The following FEZ1 variants were observed in gnomAD, a reference collection of about 807,000 sequenced individuals.
FEZ1 encodes fasciculation and elongation protein zeta-1.
FEZ1 carries 20 observed loss-of-function variants against 49.3 expected under a neutral mutation model. That is an observed-to-expected ratio of 0.41 (90% CI 0.29 to 0.59). The LOEUF is 0.59. Among genes scored for constraint, FEZ1 ranks in the 20% least tolerant of loss-of-function variants. The pLI, the probability that FEZ1 is intolerant of heterozygous loss-of-function variation, is 0.36. For missense variants in FEZ1, 413 were observed against 476.0 expected (o/e 0.87, Z 1.23); for synonymous variants, 170 against 180.9 (o/e 0.94, Z 0.48).
At chr11:125,467,942 CTG>C (rs1957147172) in intron 3 of FEZ1, among the ~76,000 whole-genome samples, 1 of 152,140 alleles carries the variant, frequency 6.6e-6, no homozygotes. Context: ...TAAAAGGAGA[CTG>C]TGTTTTACAT....
chr11:125,473,686 G>A (rs1957202453), intron 3 of FEZ1, among the ~76,000 whole-genome samples: 1 of 152,070 alleles, frequency 6.6e-6, no homozygotes, highest in Non-Finnish European at 1.5e-5. Flanking sequence ...GGGCATGGTT[G>A]CAGGCACCTG....
rs966344261 is a variant in FEZ1 at position 125,465,542 on chromosome 11, G to A, written c.412-1972C>T. On this transcript the variant is annotated intron_variant, in intron 3 of 9. Coordinates refer to ENST00000278919, the MANE Select transcript of FEZ1 (RefSeq NM_005103.5). ...GTCAGGCTTGGGAAAACAGAGATGG[G>A]AAAATCAATTATAAGCTTATGAAAG... Among the ~76,000 whole-genome samples the A allele has an allele frequency of 4.6e-5, 7 of 152,266 alleles. No individual in the cohort carries two copies. In the East Asian group the frequency reaches 1.4e-3, roughly 29 times the overall value.
At position 125,495,962 on chromosome 11, in the gene FEZ1, G is replaced by C. The variant is rs1957465810; in HGVS notation, c.-46+159C>G. 4.2e-6 allele frequency: 1 copy of C among 236,752 alleles called. No individual in the cohort carries two copies. The highest frequency in any genetic ancestry group is 8.3e-6 in the Non-Finnish European group (1 of 120,614). The allele number at this position is 236,752 out of a possible 1,614,324, so 14.7% of individuals were successfully genotyped here. ...CTGGGCAGGAAGGCGACGGCCTCCCGTTGTTCCTTTCTAATCCCAGAATGG... is the reference window on the plus strand; with the variant it reads ...CTGGGCAGGAAGGCGACGGCCTCCCCTTGTTCCTTTCTAATCCCAGAATGG... On this transcript the variant is annotated intron_variant, in intron 1 of 9. Transcript: ENST00000278919. The surrounding 1 kb of genome is among the most constrained non-coding windows in gnomAD (Gnocchi z 4.2).
chr11:125,479,649 A>G (rs2135775396), intron 3 of FEZ1, among the ~76,000 whole-genome samples: 1 of 152,336 alleles, frequency 6.6e-6, no homozygotes, highest in Non-Finnish European at 1.5e-5. Context: ...GATGCCCACA[A>G]GTATCTTTCT....
intron 3 of FEZ1, among the ~76,000 whole-genome samples, chr11:125,476,218 G>A (rs1013821255): frequency 2.0e-5 from 3 of 152,182 alleles, no homozygotes; most frequent in Admixed American, 1.3e-4. Flanking sequence ...ATATGCAGAT[G>A]TCAAAATTTA....
intron 3 of FEZ1, among the ~76,000 whole-genome samples, chr11:125,472,487 G>A (rs1435147194): frequency 6.6e-6 from 1 of 152,008 alleles, no homozygotes; most frequent in African/African-American, 2.4e-5. Context: ...ACAAATGAAT[G>A]TTCAATACAT....
chr11:125,456,550 A>G (rs920384477), intron 5 of FEZ1, among the ~76,000 whole-genome samples: 2 of 152,204 alleles, frequency 1.3e-5, no homozygotes, highest in Non-Finnish European at 2.9e-5. Flanking sequence ...GATATAGCAT[A>G]CGGCAACAAC....
At position 125,496,218 on chromosome 11, in the gene FEZ1, G is replaced by A. The variant is rs1957469732; in HGVS notation, c.-143C>T. On this transcript the variant is annotated 5_prime_UTR_variant, in exon 1 of 10. Transcript: ENST00000278919. Reference sequence around the variant, plus strand: ...CGGCCGGAGCGCAGCGCAGCGCAGCGGAGAGCCAGCCAGCCAGCCAGCCAG... The same window carrying A: ...CGGCCGGAGCGCAGCGCAGCGCAGCAGAGAGCCAGCCAGCCAGCCAGCCAG... 1 of 152,910 alleles carries A rather than the reference G, an allele frequency of 6.5e-6. No individual in the cohort carries two copies. Among genetic ancestry groups the A allele is most frequent in the South Asian group, 2.1e-4 (1 of 4,836 alleles). The allele number at this position is 152,910 out of a possible 1,614,324, so 9.5% of individuals were successfully genotyped here.
chr11:125,452,451 A>T, intron 7 of FEZ1, 42 bp from the exon 8 acceptor site: 1 of 1,318,164 alleles, frequency 7.6e-7, no homozygotes, highest in South Asian at 1.2e-5. Flanking sequence ...GACAGAAGAC[A>T]TGCTTCCTCT....
At chr11:125,473,467 C>T (rs1266466081) in intron 3 of FEZ1, among the ~76,000 whole-genome samples, 1 of 152,062 alleles carries the variant, frequency 6.6e-6, no homozygotes, top group East Asian at 1.9e-4. Flanking sequence ...GAAACAGCAA[C>T]CTGGGAATCA....
Position 125,484,689 on chromosome 11 carries a change from G to GA in FEZ1, c.312-3057dup, listed in dbSNP as rs1166273257. Reference sequence around the variant, plus strand: ...GTCTCAAAAAAAAAAAAGAAGAAAAGAAAAAAAAAAAGAAACTGGCTCTGC... The same window carrying GA: ...GTCTCAAAAAAAAAAAAGAAGAAAAGAAAAAAAAAAAAGAAACTGGCTCTGC... On this transcript the variant is annotated intron_variant, in intron 2 of 9. Coordinates refer to ENST00000278919, the MANE Select transcript of FEZ1 (RefSeq NM_005103.5). Among the ~76,000 whole-genome samples, 817 of 143,772 alleles carry GA rather than the reference G, an allele frequency of 5.7e-3. 2 individuals carry two copies. Among genetic ancestry groups the GA allele is most frequent in the African/African-American group, 0.019 (741 of 39,266 alleles). The allele number at this position is 143,772 out of a possible 152,430, so 94.3% of individuals were successfully genotyped here. A position where few individuals can be genotyped will look rare whatever the true frequency, so the allele number is the denominator to read the frequency against.
In FEZ1 at chr11:125,444,259, C is replaced by G. The variant is rs2135730077; in HGVS notation, c.*1836G>C. On this transcript the variant is annotated 3_prime_UTR_variant, in exon 10 of 10. Transcript: ENST00000278919. Reference sequence around the variant, plus strand: ...CTGGGGGGATAAGTCTCCGCCACCCCTAGCTAAGATTGCTAGTGTTCTGCT... The same window carrying G: ...CTGGGGGGATAAGTCTCCGCCACCCGTAGCTAAGATTGCTAGTGTTCTGCT... Among the ~76,000 whole-genome samples the G allele has an allele frequency of 6.6e-6, 1 of 152,292 alleles. No homozygotes were observed.
At position 125,457,424 on chromosome 11, in the gene FEZ1, AAAAAAATATAT is replaced by A. The variant is rs1290230299; in HGVS notation, c.668-1329_668-1319del. On this transcript the variant is annotated intron_variant, in intron 5 of 9. Coordinates refer to ENST00000278919, the MANE Select transcript of FEZ1 (RefSeq NM_005103.5). ...ACTTTAAAAAAAAAAAAAAAAAAAA[AAAAAAATATAT>A]ATATATATATATATATGTATATATA... Among the ~76,000 whole-genome samples, 47 of 41,058 alleles carry A rather than the reference AAAAAAATATAT, an allele frequency of 1.1e-3. No homozygotes were observed. In the East Asian group the frequency reaches 0.022, roughly 19 times the overall value. 26.9% of individuals were successfully genotyped at this position (41,058 alleles called of 152,430 possible). A position where few individuals can be genotyped will look rare whatever the true frequency, so the allele number is the denominator to read the frequency against.
In FEZ1 at chr11:125,495,493, C is replaced by G. The variant is rs112564147; in HGVS notation, c.-46+628G>C. The G allele has an allele frequency of 3.9e-3, 1,828 of 471,108 alleles. 26 individuals are homozygous for G. Among genetic ancestry groups the G allele is most frequent in the African/African-American group, 0.033 (1,664 of 50,186 alleles). 29.2% of individuals were successfully genotyped at this position (471,108 alleles called of 1,614,324 possible). A position where few individuals can be genotyped will look rare whatever the true frequency, so the allele number is the denominator to read the frequency against. On this transcript the variant is annotated intron_variant, in intron 1 of 9. Coordinates refer to ENST00000278919, the MANE Select transcript of FEZ1 (RefSeq NM_005103.5). The surrounding 1 kb of genome is among the most constrained non-coding windows in gnomAD (Gnocchi z 4.2). ...AGCCGCCCCGGTCCCTTCTCCCGCC[C>G]GTCTGTAGTAAAACAATCGCTCTCC...
chr11:125,461,932 A>T (rs148065094), intron 4 of FEZ1, among the ~76,000 whole-genome samples: 203 of 152,362 alleles, frequency 1.3e-3, no homozygotes, highest in African/African-American at 4.2e-3. Flanking sequence ...ACAGAATGCA[A>T]CCAAATGACA....
chr11:125,487,632 T>C (rs924796254), intron 2 of FEZ1, among the ~76,000 whole-genome samples: 4 of 152,174 alleles, frequency 2.6e-5, no homozygotes, highest in African/African-American at 9.6e-5. Flanking sequence ...GTCAGCAGAA[T>C]GAAATGTTCT....
intron 7 of FEZ1, 123 bp from the exon 8 acceptor site, chr11:125,452,532 T>TG: frequency 1.5e-6 from 1 of 648,552 alleles, no homozygotes; most frequent in East Asian, 2.8e-5. Flanking sequence ...TCATGGTCAC[T>TG]GGTACGTCAC....
intron 2 of FEZ1, among the ~76,000 whole-genome samples, chr11:125,482,038 A>G (rs1256965248): frequency 1.3e-5 from 2 of 152,162 alleles, no homozygotes; most frequent in African/African-American, 2.4e-5. Context: ...AGAGAGAGAG[A>G]GAAAGGGAGA....
At chr11:125,455,758 GC>G (rs750593975) in intron 6 of FEZ1, 76 bp downstream of exon 6, 5 of 1,458,036 alleles carry the variant, frequency 3.4e-6, no homozygotes, top group Non-Finnish European at 1.9e-6. Flanking sequence ...TGAGTCCCCT[GC>G]AGGGTTGGTA....
Sources: allele counts gnomAD v4.1 joint callset (sites outside exome capture counted in the v4.1 genomes callset), GRCh38; gene constraint gnomAD v4.1.1; non-coding constraint Gnocchi (gnomAD v3.1); transcripts MANE v1.5; gene names NCBI Gene and HGNC (gene_info 2026-07-23, HGNC 2026-07-21).